The following TCERG1 variants were observed in gnomAD, a reference collection of about 807,000 sequenced individuals.
The protein encoded by TCERG1 is TATA box binding protein (TBP)-associated factor, RNA polymerase II, S, 150kD.
TCERG1 carries 37 observed loss-of-function variants against 144.7 expected under a neutral mutation model. That is an observed-to-expected ratio of 0.26 (90% CI 0.20 to 0.34). The LOEUF (loss-of-function observed/expected upper bound fraction) is 0.34, where lower values mean the gene tolerates loss of function less well. TCERG1 is among the 10% of genes least tolerant of loss of function. TCERG1 has a pLI of 1.00. For missense variants in TCERG1, 1,027 were observed against 1,380.7 expected, an observed-to-expected ratio of 0.74 and a Z score of 4.06; for synonymous variants, 492 against 458.2, an observed-to-expected ratio of 1.07 and a Z score of -0.94.
intron 4 of TCERG1, among the ~76,000 whole-genome samples, chr5:146,460,091 T>C (rs375477748): frequency 6.6e-6 from 1 of 152,106 alleles, no homozygotes; most frequent in Non-Finnish European, 1.5e-5. Context: ...TCTTTTAGAA[T>C]AGTTTCTAGA....
intron 15 of TCERG1, among the ~76,000 whole-genome samples, chr5:146,486,002 G>A (rs1765795338): frequency 6.6e-6 from 1 of 152,074 alleles, no homozygotes; most frequent in African/African-American, 2.4e-5. Flanking sequence ...GCCTTTCATG[G>A]CTTTTAAATA....
In TCERG1 at chr5:146,503,874, G is replaced by A. The variant is rs1225380616; in HGVS notation, c.2649G>A (p.Glu883=). 6.2e-7 allele frequency: 1 copy of A among 1,611,186 alleles called. No homozygotes were observed. The highest frequency in any genetic ancestry group is 2.2e-5 in the East Asian group (1 of 44,822). ...AGCTTGAAAGGCAAGCCCGCATTGA[G>A]GCAAGCCTTCGAGAACGAGAAAGGG... The part of the protein sequence containing the change: ...EKELERQARI[E]ASLREREREV... The change falls in exon 19 of 23, where the codon GAG becomes GAA. Residue 883 remains glutamate, a synonymous_variant. Transcript: ENST00000679501.
At chr5:146,480,350 A>G (rs1387354076) in intron 12 of TCERG1, 1 of 247,354 alleles carries the variant, frequency 4.0e-6, no homozygotes, top group Admixed American at 5.2e-5. Flanking sequence ...TCTTTTTGGA[A>G]ATTTATTAGG....
In TCERG1 at chr5:146,480,975, T is replaced by A. The variant is rs2033473; in HGVS notation, c.1887-175T>A. 7.7e-3 allele frequency among the ~76,000 whole-genome samples: 1,137 copies of A among 147,860 alleles called. 4 individuals are homozygous for A. The highest frequency in any genetic ancestry group is 0.018 in the African/African-American group (717 of 40,542). On this transcript the variant is annotated intron_variant, in intron 12 of 22. Transcript: ENST00000679501. ...GATTAACTGATTTTGTGCTTTTTTT[T>A]TAAAAAAAAAAAACCTAGAATAAGA...
Position 146,455,294 on chromosome 5 carries a change from G to A in TCERG1, c.285+13G>A, listed in dbSNP as rs755423593. 1 of 1,612,926 alleles carries A rather than the reference G, an allele frequency of 6.2e-7. No homozygotes were observed. Among genetic ancestry groups the A allele is most frequent in the Admixed American group, 1.7e-5 (1 of 59,898 alleles). ...TCCACACCTCCAGGTAAAGAATGTAGAGGTTGCCATTTCTTTGTTGGCATC... is the reference window on the plus strand; with the variant it reads ...TCCACACCTCCAGGTAAAGAATGTAAAGGTTGCCATTTCTTTGTTGGCATC... On this transcript the variant is annotated intron_variant, in intron 2 of 22. Transcript: ENST00000679501.
chr5:146,498,781 AAAT>A (rs1767166020), intron 17 of TCERG1, 95 bp downstream of exon 17: 1 of 1,332,530 alleles, frequency 7.5e-7, no homozygotes, highest in African/African-American at 1.5e-5. Flanking sequence ...TCATTGGCAT[AAAT>A]AATAGGACGT....
At chr5:146,491,966 A>T (rs200262476) in intron 15 of TCERG1, among the ~76,000 whole-genome samples, 1 of 152,034 alleles carries the variant, frequency 6.6e-6, no homozygotes, top group Non-Finnish European at 1.5e-5. Flanking sequence ...CTCAACCTTT[A>T]AAAAATGTAG....
Position 146,503,834 on chromosome 5 carries a change from CAGAAAA to C in TCERG1, c.2616_2621del (p.Lys874_Glu875del). ...TTTTTGCTTTTACAGAATTTAGACT[CAGAAAA>C]AGAAAAGGAGCTTGAAAGGCAAGCC... On this transcript the variant is annotated inframe_deletion, in exon 19 of 23. Coordinates refer to ENST00000679501, the MANE Select transcript of TCERG1 (RefSeq NM_001382548.1). 6.3e-7 allele frequency: 1 copy of C among 1,585,146 alleles called. No individual in the cohort carries two copies. Among genetic ancestry groups the C allele is most frequent in the Non-Finnish European group, 8.5e-7 (1 of 1,172,120 alleles).
chr5:146,447,745 A>C (rs768852488), intron 1 of TCERG1, among the ~76,000 whole-genome samples: 6 of 151,908 alleles, frequency 3.9e-5, no homozygotes, highest in Admixed American at 6.5e-5. Context: ...GGCCGACCTG[A>C]GTCTGTCCCC....
chr5:146,479,926 C>G lies in TCERG1; in HGVS notation c.1819+15C>G. ...TATGAGTGCAAGTGAGTGAACTAAC[C>G]ATAAATTGCAGCTTCTTTTTAATAC... On this transcript the variant is annotated intron_variant, in intron 11 of 22. Coordinates refer to ENST00000679501, the MANE Select transcript of TCERG1 (RefSeq NM_001382548.1). 1 of 1,612,328 alleles carries G rather than the reference C, an allele frequency of 6.2e-7. No homozygotes were observed. Among genetic ancestry groups the G allele is most frequent in the Non-Finnish European group, 8.5e-7 (1 of 1,179,038 alleles).
chr5:146,471,330 G>A (rs940703961), intron 8 of TCERG1, among the ~76,000 whole-genome samples, 158 bp from the exon 9 acceptor site: 3 of 152,148 alleles, frequency 2.0e-5, no homozygotes, highest in Non-Finnish European at 4.4e-5. Flanking sequence ...TCTTTCTGGG[G>A]GATGAGGATT....
chr5:146,495,347 T>C (rs932367415), intron 16 of TCERG1, among the ~76,000 whole-genome samples: 1 of 152,210 alleles, frequency 6.6e-6, no homozygotes, highest in African/African-American at 2.4e-5. Flanking sequence ...ATTTCAAATT[T>C]GGGATGCCCA....
intron 1 of TCERG1, among the ~76,000 whole-genome samples, chr5:146,452,266 T>C (rs1303330902): frequency 1.3e-5 from 2 of 151,724 alleles, no homozygotes; most frequent in East Asian, 4.0e-4. Context: ...ATAAAGAATA[T>C]AATTGTTAAT....
At chr5:146,478,769 GA>G in intron 10 of TCERG1, 116 bp downstream of exon 10, 6 of 996,732 alleles carry the variant, frequency 6.0e-6, no homozygotes, top group Admixed American at 3.4e-5. Flanking sequence ...AGAAGCATTC[GA>G]AAAAAATAGA....
intron 3 of TCERG1, among the ~76,000 whole-genome samples, chr5:146,458,224 G>C (rs1763001770): frequency 6.6e-6 from 1 of 151,152 alleles, no homozygotes; most frequent in South Asian, 2.1e-4. Context: ...CACCCAGCCT[G>C]GAGTGCAGTG....
At chr5:146,452,334 T>C (rs1242582192) in intron 1 of TCERG1, among the ~76,000 whole-genome samples, 1 of 152,212 alleles carries the variant, frequency 6.6e-6, no homozygotes, top group Non-Finnish European at 1.5e-5. Context: ...GTATAGTAGC[T>C]ACTGGGAATA....
intron 21 of TCERG1, 53 bp from the exon 22 acceptor site, chr5:146,509,092 G>T: frequency 3.0e-6 from 3 of 989,406 alleles, no homozygotes; most frequent in Non-Finnish European, 4.5e-6. Flanking sequence ...TGTTTATTTT[G>T]GAATTAGTGG....
At chr5:146,484,002 T>C (rs1765592526) in intron 15 of TCERG1, among the ~76,000 whole-genome samples, 1 of 152,172 alleles carries the variant, frequency 6.6e-6, no homozygotes, top group African/African-American at 2.4e-5. Flanking sequence ...AAAAAGCTAC[T>C]GTAATCCCAA....
rs1763983914 is a variant in TCERG1, at chr5:146,468,419, A to G, written c.1198+16A>G. ...ACCAAGACCGGTAATTTTTAAAACC[A>G]TCTTAGTTTGTTTTGTCTGTAAGTT... On this transcript the variant is annotated intron_variant, in intron 6 of 22. Coordinates refer to ENST00000679501, the MANE Select transcript of TCERG1 (RefSeq NM_001382548.1). 3 of 1,609,256 alleles carry G rather than the reference A, an allele frequency of 1.9e-6. No homozygotes were observed. The highest frequency in any genetic ancestry group is 2.2e-5 in the East Asian group (1 of 44,684).
Sources: allele counts gnomAD v4.1 joint callset (sites outside exome capture counted in the v4.1 genomes callset), GRCh38; gene constraint gnomAD v4.1.1; transcripts MANE v1.5; gene names NCBI Gene and HGNC (gene_info 2026-07-23, HGNC 2026-07-21).